Variants in LRRC63 observed in about 807,000 individuals in gnomAD.
LRRC63 encodes leucine-rich repeat-containing protein 63.
LRRC63 carries 40 observed loss-of-function variants against 49.5 expected under a neutral mutation model. That is an observed-to-expected ratio of 0.81 (90% CI 0.63 to 1.05). The LOEUF is 1.05. Among genes scored for constraint, LRRC63 ranks in the 50% least tolerant of loss-of-function variants. The pLI, the probability that LRRC63 is intolerant of heterozygous loss-of-function variation, is 0.00. For synonymous variants in LRRC63, 191 were observed against 221.1 expected, an observed-to-expected ratio of 0.86 and a Z score of 1.21; for missense variants, 636 against 663.1, an observed-to-expected ratio of 0.96 and a Z score of 0.45.
intron 4 of LRRC63, among the ~76,000 whole-genome samples, chr13:46,232,058 G>A (rs1160203584): frequency 4.1e-5 from 6 of 145,198 alleles, no homozygotes; most frequent in Middle Eastern, 4.2e-3. Flanking sequence ...CTCGTGATCC[G>A]CCGGCCTCGG....
intron 4 of LRRC63, among the ~76,000 whole-genome samples, chr13:46,230,029 G>T (rs1363271986): frequency 6.6e-6 from 1 of 152,060 alleles, no homozygotes; most frequent in Non-Finnish European, 1.5e-5. Flanking sequence ...TCACTATCAT[G>T]AGGGCAGCAC....
intron 4 of LRRC63, among the ~76,000 whole-genome samples, chr13:46,229,061 G>T (rs2046665746): frequency 6.6e-6 from 1 of 152,086 alleles, no homozygotes; most frequent in African/African-American, 2.4e-5. Flanking sequence ...TTTGAAGAAA[G>T]ATTATACCAT....
chr13:46,240,537 A>G (rs1228620968), intron 5 of LRRC63, among the ~76,000 whole-genome samples: 1 of 152,190 alleles, frequency 6.6e-6, no homozygotes, highest in East Asian at 1.9e-4. Flanking sequence ...AGAGGAAGCT[A>G]AACTATCCCT....
chr13:46,270,425 G>A (rs781171817), intron 9 of LRRC63: 3 of 800,300 alleles, frequency 3.7e-6, no homozygotes, highest in Non-Finnish European at 4.5e-6. Flanking sequence ...TTGTGTTAGA[G>A]GATGTTCGAT....
At chr13:46,270,228 C>T (rs2047737780) in intron 9 of LRRC63, 4 of 871,428 alleles carry the variant, frequency 4.6e-6, no homozygotes, top group South Asian at 3.9e-5. Context: ...ATCACATTGG[C>T]AGAATCTCAT....
At chr13:46,272,417 C>CT (rs2047772723) in intron 9 of LRRC63, among the ~76,000 whole-genome samples, 1 of 152,120 alleles carries the variant, frequency 6.6e-6, no homozygotes, top group African/African-American at 2.4e-5. Context: ...AATCAAGAAA[C>CT]TGCAATGTAA....
At chr13:46,233,225 C>A (rs563962613) in intron 4 of LRRC63, among the ~76,000 whole-genome samples, 2 of 152,216 alleles carry the variant, frequency 1.3e-5, no homozygotes, top group African/African-American at 2.4e-5. Context: ...ACTCAACAAC[C>A]AACTCTGTGG....
chr13:46,223,177 A>G (rs1274042211), intron 2 of LRRC63, among the ~76,000 whole-genome samples: 1 of 151,904 alleles, frequency 6.6e-6, no homozygotes, highest in Admixed American at 6.6e-5. Context: ...TAACCTGCAC[A>G]TTGTGCACAT....
chr13:46,257,812 G>T (rs2047539508), intron 7 of LRRC63, among the ~76,000 whole-genome samples: 1 of 152,100 alleles, frequency 6.6e-6, no homozygotes, highest in South Asian at 2.1e-4. Flanking sequence ...TAGAAAAATG[G>T]TTGTTTATTT....
chr13:46,240,132 T>C (rs947999815), intron 5 of LRRC63, among the ~76,000 whole-genome samples: 111 of 131,040 alleles, frequency 8.5e-4, no homozygotes, highest in Non-Finnish European at 1.1e-3. Flanking sequence ...TTTTCTTTTT[T>C]TTTTTTTTTT....
exon 9 of LRRC63, chr13:46,266,943 C>G: frequency 1.3e-6 from 2 of 1,544,706 alleles, no homozygotes; most frequent in South Asian, 2.4e-5. Flanking sequence ...ATGATAAGAT[C>G]CCAGTAGAAG....
Position 46,234,092 on chromosome 13 carries a change from T to C in LRRC63, c.833-100T>C, listed in dbSNP as rs556776331. On this transcript the variant is annotated intron_variant, in intron 4 of 9. Coordinates refer to ENST00000595396, the Ensembl canonical transcript of LRRC63. ...CAGAGGATGTGTACACTTAAGTCCTTAGGGTAACTCAATATTATCATAAGA... is the reference window on the plus strand; with the variant it reads ...CAGAGGATGTGTACACTTAAGTCCTCAGGGTAACTCAATATTATCATAAGA... The C allele has an allele frequency of 6.2e-4, 706 of 1,131,188 alleles. 11 individuals are homozygous for C. In the South Asian group the frequency reaches 0.011, roughly 17 times the overall value. 70.1% of individuals were successfully genotyped at this position (1,131,188 alleles called of 1,614,324 possible).
chr13:46,255,666 AG>A (rs1657464229), intron 7 of LRRC63, among the ~76,000 whole-genome samples: 5 of 148,076 alleles, frequency 3.4e-5, no homozygotes, highest in South Asian at 2.2e-4. Context: ...ATATATATAT[AG>A]TTATTAGTAA....
intron 2 of LRRC63, among the ~76,000 whole-genome samples, chr13:46,220,831 A>T (rs1190675393): frequency 1.3e-5 from 2 of 152,122 alleles, no homozygotes; most frequent in Non-Finnish European, 2.9e-5. Context: ...CTCACGGCAC[A>T]GTCCCTCAAG....
intron 3 of LRRC63, 26 bp downstream of exon 3, chr13:46,228,215 A>T: frequency 6.7e-7 from 1 of 1,482,858 alleles, no homozygotes; most frequent in Non-Finnish European, 9.1e-7. Context: ...ACACGGTATA[A>T]TTATAGAGTC....
At chr13:46,232,917 T>C (rs1052362668) in intron 4 of LRRC63, among the ~76,000 whole-genome samples, 4 of 152,302 alleles carry the variant, frequency 2.6e-5, no homozygotes, top group African/African-American at 9.6e-5. Context: ...TTTTGTTTTT[T>C]AAAATGAGTC....
At chr13:46,244,963 A>G (rs918640346) in intron 5 of LRRC63, among the ~76,000 whole-genome samples, 2 of 152,254 alleles carry the variant, frequency 1.3e-5, no homozygotes, top group African/African-American at 4.8e-5. Flanking sequence ...GCTATTTACT[A>G]GGAAGCGTAC....
intron 7 of LRRC63, among the ~76,000 whole-genome samples, chr13:46,252,881 G>A (rs781545761): frequency 6.6e-6 from 1 of 152,062 alleles, no homozygotes; most frequent in Non-Finnish European, 1.5e-5. Flanking sequence ...GCAGGGACCA[G>A]ATTATCTAGG....
intron 8 of LRRC63, among the ~76,000 whole-genome samples, chr13:46,264,784 G>A (rs2047660460): frequency 6.6e-6 from 1 of 152,168 alleles, no homozygotes; most frequent in Non-Finnish European, 1.5e-5. Context: ...AGTGAGTGGT[G>A]GATGAGGAGG....
Sources: gnomAD v4.1 joint callset for allele counts (sites outside exome capture counted in the v4.1 genomes callset) on GRCh38, gnomAD v4.1.1 for gene constraint, MANE v1.5 for transcripts, NCBI Gene and HGNC (gene_info 2026-07-23, HGNC 2026-07-21) for gene names.